The following USP34 variants were observed in gnomAD, a reference collection of about 807,000 sequenced individuals.
USP34 encodes ubiquitin carboxyl-terminal hydrolase 34.
USP34 carries 70 observed loss-of-function variants against 460.3 expected under a neutral mutation model. The observed-to-expected ratio is 0.15, with a 90% CI of 0.13 to 0.19. The LOEUF (loss-of-function observed/expected upper bound fraction) is 0.19, where lower values mean the gene tolerates loss of function less well. Ranked by LOEUF, USP34 falls within the 10% of genes least tolerant of loss-of-function variation. The pLI, the probability that USP34 is intolerant of heterozygous loss-of-function variation, is 1.00. For synonymous variants in USP34, 1,647 were observed against 1,405.3 expected (o/e 1.17, Z -3.85); for missense variants, 3,985 against 4,236.2 (o/e 0.94, Z 1.65).
rs77439082 is a variant in USP34, at chr2:61,227,173, C to T, written c.7489G>A (p.Glu2497Lys). The T allele has an allele frequency of 6.2e-7, 1 of 1,613,896 alleles. No individual in the cohort carries two copies. Among genetic ancestry groups the T allele is most frequent in the Non-Finnish European group, 8.5e-7 (1 of 1,179,884 alleles). Residue 2497 changes from glutamate to lysine, a missense_variant, in exon 62 of 80, where the codon GAG becomes AAG. By Grantham distance (56) the Glu-to-Lys change is moderately conservative. Coordinates refer to ENST00000398571, the MANE Select transcript of USP34 (RefSeq NM_014709.4). ...LSEEEGEEEE[E>K]EEDILSLAEE... ...GCCAGAGAGAGGATATCTTCTTCCT[C>T]CTCTTCTTCTTCCCCTTCTTCCTCT...
At position 61,383,313 on chromosome 2, in the gene USP34, G is replaced by A. The variant is rs202087339; in HGVS notation, c.777C>T (p.Pro259=). The A allele has an allele frequency of 3.3e-5, 53 of 1,603,162 alleles. No homozygotes were observed. Among genetic ancestry groups the A allele is most frequent in the African/African-American group, 3.2e-4 (24 of 74,680 alleles). The change falls in exon 6 of 80, where the codon CCC becomes CCT. Residue 259 remains proline (P), a synonymous_variant. Transcript: ENST00000398571. ...VSNIRIWLHI[P]AVMQHIIPFR... ...AAGGTATAATGTGCTGCATGACAGC[G>A]GGAATATGTAGCCATATTCTAATCT...
intron 41 of USP34, among the ~76,000 whole-genome samples, chr2:61,268,452 A>G (rs1480237868): frequency 1.3e-5 from 2 of 149,240 alleles, no homozygotes; most frequent in South Asian, 4.2e-4. Context: ...AAAAAAAAAA[A>G]AAAAAAAAAA....
chr2:61,216,402 C>T (rs2103797334), intron 67 of USP34, among the ~76,000 whole-genome samples: 1 of 149,342 alleles, frequency 6.7e-6, no homozygotes, highest in East Asian at 2.0e-4. Context: ...AGCTCGAGAT[C>T]ATCCTGGCTA....
chr2:61,229,688 T>A lies in USP34; in HGVS notation c.7114-55A>T, dbSNP rs557421225. On this transcript the variant is annotated intron_variant, in intron 58 of 79. Coordinates refer to ENST00000398571, the MANE Select transcript of USP34 (RefSeq NM_014709.4). The stretch of plus-strand genomic sequence containing the variant: ...GCCAACTCATCAGGTAACAAAGATT[T>A]GAAAAATTAACATGATTCAAAATTC... 8.2e-4 allele frequency: 1,201 copies of A among 1,466,974 alleles called. 2 individuals carry two copies. Among genetic ancestry groups the A allele is most frequent in the Non-Finnish European group, 1.0e-3 (1,110 of 1,068,216 alleles). The allele number at this position is 1,466,974 out of a possible 1,614,324, so 90.9% of individuals were successfully genotyped here.
At chr2:61,409,196 G>A (rs765800992) in intron 2 of USP34, among the ~76,000 whole-genome samples, 15 of 152,094 alleles carry the variant, frequency 9.9e-5, no homozygotes, top group South Asian at 2.1e-4. Flanking sequence ...CTCTAGCCTC[G>A]GTGATAGAGG....
intron 75 of USP34, among the ~76,000 whole-genome samples, chr2:61,195,116 A>G (rs113541262): frequency 6.6e-6 from 1 of 152,080 alleles, no homozygotes; most frequent in Non-Finnish European, 1.5e-5. Flanking sequence ...GCTATTCAGG[A>G]GGCTGAGGCA....
intron 3 of USP34, among the ~76,000 whole-genome samples, chr2:61,401,854 G>C (rs60558028): frequency 0.38 from 56,876 of 150,128 alleles, 10,782 homozygotes; most frequent in Admixed American, 0.42. Context: ...CACCGCGCCC[G>C]GCCCATTTTT....
At chr2:61,416,567 A>C (rs2103962119) in intron 2 of USP34, among the ~76,000 whole-genome samples, 1 of 152,330 alleles carries the variant, frequency 6.6e-6, no homozygotes, top group South Asian at 2.1e-4. Context: ...AGCAAAGAAA[A>C]AGAAAAAAAA....
intron 10 of USP34, among the ~76,000 whole-genome samples, chr2:61,363,699 CAT>C (rs1692338836): frequency 6.6e-6 from 1 of 152,136 alleles, no homozygotes; most frequent in Non-Finnish European, 1.5e-5. Context: ...TTATACAACA[CAT>C]GACTGTATAT....
At position 61,246,363 on chromosome 2, in the gene USP34, C is replaced by A; in HGVS notation, c.6509G>T (p.Arg2170Ile). 1 of 1,599,918 alleles carries A rather than the reference C, an allele frequency of 6.3e-7. No homozygotes were observed. Among genetic ancestry groups the A allele is most frequent in the Non-Finnish European group, 8.5e-7 (1 of 1,173,302 alleles). The change falls in exon 50 of 80, where the codon AGA becomes ATA. Residue 2170 changes from arginine (R) to isoleucine (I), a missense_variant. By Grantham distance (97) the Arg-to-Ile change is moderately conservative. Around this residue, in one of 14 missense-constraint regions of USP34, gnomAD observed 70 missense variants for 78.1 expected, o/e 0.90. Transcript: ENST00000398571. ...ADGGHYYSFIRDIVNPHAYKN... is the reference protein window; with the variant it reads ...ADGGHYYSFIIDIVNPHAYKN... ...ATAAGCATGGGGATTTACTATATCT[C>A]TGATAAAGCTATAATAGTGTCCACC...
chr2:61,196,003 C>T (rs1189200660), intron 75 of USP34, among the ~76,000 whole-genome samples: 1 of 150,696 alleles, frequency 6.6e-6, no homozygotes, highest in Non-Finnish European at 1.5e-5. Flanking sequence ...GCCTCCTGGG[C>T]TCAAGCCGTT....
intron 7 of USP34, among the ~76,000 whole-genome samples, chr2:61,378,913 GAAAAAAAAAA>G (rs34463913): frequency 8.6e-5 from 5 of 57,870 alleles, no homozygotes; most frequent in East Asian, 7.0e-4. Context: ...TCAAAAAAAC[GAAAAAAAAAA>G]AAAAAAAAAA....
chr2:61,221,666 A>G (rs1019640226), intron 65 of USP34, 60 bp from the exon 66 acceptor site: 1 of 1,492,158 alleles, frequency 6.7e-7, no homozygotes. Context: ...CCTTCAGCAG[A>G]GAAGAAACAT....
intron 1 of USP34, among the ~76,000 whole-genome samples, chr2:61,451,702 C>A (rs1312026310): frequency 8.0e-5 from 12 of 149,502 alleles, no homozygotes; most frequent in African/African-American, 2.0e-4. Flanking sequence ...AACAAAAAAA[C>A]AAAAAACCAG....
At chr2:61,195,697 A>T (rs901880995) in intron 75 of USP34, among the ~76,000 whole-genome samples, 1 of 152,060 alleles carries the variant, frequency 6.6e-6, no homozygotes, top group Admixed American at 6.5e-5. Flanking sequence ...ACCATTAGCC[A>T]AACAAAAAAC....
At chr2:61,237,714 G>A (rs1204471038) in intron 53 of USP34, among the ~76,000 whole-genome samples, 1 of 150,814 alleles carries the variant, frequency 6.6e-6, no homozygotes, top group Non-Finnish European at 1.5e-5. Flanking sequence ...GACCACAGGT[G>A]CGTGCCACCA....
intron 57 of USP34, among the ~76,000 whole-genome samples, chr2:61,233,091 C>A (rs1265893406): frequency 2.0e-5 from 3 of 151,994 alleles, no homozygotes; most frequent in Admixed American, 1.3e-4. Context: ...AACTCCTGAC[C>A]TCAGGTGATC....
Position 61,214,402 on chromosome 2 carries a change from C to A in USP34, c.8340G>T (p.Trp2780Cys). Residue 2780 changes from tryptophan to cysteine, a missense_variant, in exon 68 of 80, where the codon TGG becomes TGT. Physicochemically the swap from Trp to Cys is radical, Grantham distance 215. Coordinates refer to ENST00000398571, the MANE Select transcript of USP34 (RefSeq NM_014709.4). ...CAGAAAGTTTAGGCTGGAAAAGGTT[C>A]CACAAATCCATGAAATATGTGGAAA... The part of the protein sequence containing the change: ...LMFSTYFMDL[W>C]NLFQPKLSEP... 1 of 1,614,082 alleles carries A rather than the reference C, an allele frequency of 6.2e-7. No homozygotes were observed.
At chr2:61,237,506 A>G (rs1309529106) in intron 53 of USP34, among the ~76,000 whole-genome samples, 1 of 137,784 alleles carries the variant, frequency 7.3e-6, no homozygotes, top group South Asian at 2.3e-4. Context: ...TCTGTTTGAT[A>G]GTCCTTTTTA....
Sources: allele counts gnomAD v4.1 joint callset (sites outside exome capture counted in the v4.1 genomes callset), GRCh38; gene constraint gnomAD v4.1.1; regional missense constraint gnomAD v4.1.1; transcripts MANE v1.5; gene names NCBI Gene and HGNC (gene_info 2026-07-23, HGNC 2026-07-21).